MTOR: variants seen among roughly 807,000 people sequenced by gnomAD.
MTOR encodes mechanistic target of rapamycin kinase.
Under a neutral mutation model 319.8 loss-of-function variants are expected in MTOR, and 70 were observed. The observed-to-expected ratio is 0.22, with a 90% confidence interval of 0.18 to 0.27. The LOEUF is 0.27. MTOR is among the 10% of genes least tolerant of loss of function. The probability of loss-of-function intolerance (pLI) is 1.00; values close to 1 mark genes in which losing one functional copy is unlikely to be tolerated. For synonymous variants in MTOR, 1,183 were observed against 1,211.4 expected (o/e 0.98, Z 0.49); for missense variants, 1,890 against 3,274.4 (o/e 0.58, Z 10.32).
intron 6 of MTOR, 137 bp from the exon 7 acceptor site, chr1:11,248,231 A>G: frequency 1.1e-6 from 1 of 912,440 alleles, no homozygotes. Flanking sequence ...GCCACTCTTC[A>G]TGTTTAGGGT....
chr1:11,110,147 A>C (rs1256891396), intron 54 of MTOR, among the ~76,000 whole-genome samples: 2 of 152,242 alleles, frequency 1.3e-5, no homozygotes, highest in African/African-American at 2.4e-5. Flanking sequence ...AACAGGTCAA[A>C]AGCCTCGTGA....
chr1:11,131,361 G>C (rs945782060), intron 38 of MTOR: 3 of 156,778 alleles, frequency 1.9e-5, no homozygotes, highest in African/African-American at 7.2e-5. Flanking sequence ...GCCTGGAGCA[G>C]GCACAGGGCT....
chr1:11,112,079 G>C (rs190552487), intron 54 of MTOR, among the ~76,000 whole-genome samples: 1 of 152,254 alleles, frequency 6.6e-6, no homozygotes, highest in African/African-American at 2.4e-5. Flanking sequence ...ACTCCTGAGA[G>C]GTTTCCACAC....
At chr1:11,171,055 C>T (rs953801485) in intron 28 of MTOR, among the ~76,000 whole-genome samples, 2 of 150,386 alleles carry the variant, frequency 1.3e-5, no homozygotes, top group South Asian at 2.1e-4. Context: ...ATTAGCTGGG[C>T]GTGGTGGCGG....
At chr1:11,224,178 A>T (rs1035971268) in intron 19 of MTOR, among the ~76,000 whole-genome samples, 4 of 152,112 alleles carry the variant, frequency 2.6e-5, no homozygotes, top group African/African-American at 9.7e-5. Context: ...TTAAAAAGAT[A>T]ATCTAGCTAT....
Position 11,232,523 on chromosome 1 carries a change from AC to A in MTOR, c.2426del (p.Ser809MetfsTer5). ...CAACCCATTTCCTCATTTCCAGGCCACTAACCTGCAAAATGAAAAAGAGGGT... is the reference window on the plus strand; with the variant it reads ...CAACCCATTTCCTCATTTCCAGGCCATAACCTGCAAAATGAAAAAGAGGGT... ...LATIGELAQV[S>X]GLEMRKWVDE... is the part of the protein sequence containing the mutation. On this transcript the variant is annotated frameshift_variant, in exon 16 of 58. Transcript: ENST00000361445. LOFTEE classifies it high-confidence loss of function. 1 of 1,612,668 alleles carries A rather than the reference AC, an allele frequency of 6.2e-7. No individual in the cohort carries two copies. Among genetic ancestry groups the A allele is most frequent in the Non-Finnish European group, 8.5e-7 (1 of 1,178,780 alleles).
chr1:11,257,435 C>T (rs1480504307), intron 3 of MTOR, among the ~76,000 whole-genome samples: 3 of 149,118 alleles, frequency 2.0e-5, no homozygotes, highest in African/African-American at 4.9e-5. Context: ...TGGTGGCACA[C>T]GCCTGTAATC....
chr1:11,202,256 C>T (rs1470559163), intron 26 of MTOR, among the ~76,000 whole-genome samples: 1 of 151,722 alleles, frequency 6.6e-6, no homozygotes, highest in African/African-American at 2.4e-5. Context: ...GGTGAAATCC[C>T]ATCTCTACTA....
chr1:11,136,979 G>A (rs367814181), intron 36 of MTOR, among the ~76,000 whole-genome samples: 1 of 151,210 alleles, frequency 6.6e-6, no homozygotes, highest in Non-Finnish European at 1.5e-5. Context: ...GTAGCTGGGA[G>A]TACAGGTATG....
intron 28 of MTOR, among the ~76,000 whole-genome samples, chr1:11,198,192 G>C (rs1191051005): frequency 6.6e-6 from 1 of 152,208 alleles, no homozygotes; most frequent in East Asian, 1.9e-4. Flanking sequence ...ATGGAAGGAA[G>C]AAAGTGGATT....
In MTOR at chr1:11,139,362, G is replaced by C. The variant is rs764574187; in HGVS notation, c.5072C>G (p.Thr1691Arg). 1.9e-6 allele frequency: 3 copies of C among 1,613,702 alleles called. No homozygotes were observed. Among genetic ancestry groups the C allele is most frequent in the Non-Finnish European group, 2.5e-6 (3 of 1,179,910 alleles). Residue 1691 changes from threonine (T) to arginine (R), a missense_variant, in exon 36 of 58, where the codon ACA (threonine) becomes AGA (arginine). Coordinates refer to ENST00000361445, the MANE Select transcript of MTOR (RefSeq NM_004958.4). ...PSRQLDHPLP[T>R]VHPQVTYAYM... ...GGCATAGGTCACCTGAGGGTGAACT[G>C]TTGGCAGAGGATGGTCAAGTTGCCG...
At position 11,220,996 on chromosome 1, in the gene MTOR, T is replaced by A. The variant is rs66488311; in HGVS notation, c.3031-4762A>T. ...TGTCTTATATAACTAAAACAAAAGT[T>A]AATTTTTTTTTTTTTGGAGATGGAG... On this transcript the variant is annotated intron_variant, in intron 19 of 57. Transcript: ENST00000361445. Among the ~76,000 whole-genome samples the A allele has an allele frequency of 4.0e-3, 152 of 38,444 alleles. 1 individual carries two copies. Among genetic ancestry groups the A allele is most frequent in the Admixed American group, 0.037 (74 of 1,980 alleles). The allele number at this position is 38,444 out of a possible 152,430, so 25.2% of individuals were successfully genotyped here. A position where few individuals can be genotyped will look rare whatever the true frequency, so the allele number is the denominator to read the frequency against.
At position 11,167,533 on chromosome 1, in the gene MTOR, G is replaced by A; in HGVS notation, c.4254-16C>T. The A allele has an allele frequency of 6.2e-7, 1 of 1,607,328 alleles. No individual in the cohort carries two copies. The highest frequency in any genetic ancestry group is 8.5e-7 in the Non-Finnish European group (1 of 1,178,316). The stretch of plus-strand genomic sequence containing the variant: ...ATTATTAATGCTGAGAAAACAAAGG[G>A]AAAAGGTAGTTACACTCAACAGGTC... On this transcript the variant is annotated splice_polypyrimidine_tract_variant and intron_variant, in intron 28 of 57. Coordinates refer to ENST00000361445, the MANE Select transcript of MTOR (RefSeq NM_004958.4).
At chr1:11,160,380 G>A (rs1250128280) in intron 29 of MTOR, among the ~76,000 whole-genome samples, 1 of 152,184 alleles carries the variant, frequency 6.6e-6, no homozygotes, top group Non-Finnish European at 1.5e-5. Flanking sequence ...GATTGTAGGC[G>A]TGAGCCACTG....
chr1:11,245,850 C>A (rs1648738551), intron 8 of MTOR, among the ~76,000 whole-genome samples: 1 of 152,106 alleles, frequency 6.6e-6, no homozygotes, highest in Non-Finnish European at 1.5e-5. Flanking sequence ...GTCATGGCTG[C>A]AGCGAGCTGA....
intron 34 of MTOR, 30 bp from the exon 35 acceptor site, chr1:11,139,688 T>C: frequency 6.2e-7 from 1 of 1,613,852 alleles, no homozygotes; most frequent in Non-Finnish European, 8.5e-7. Flanking sequence ...AGATTAGATA[T>C]GTCTTCTGAT....
chr1:11,173,474 A>G (rs1431729791), intron 28 of MTOR, among the ~76,000 whole-genome samples: 1 of 149,678 alleles, frequency 6.7e-6, no homozygotes, highest in African/African-American at 2.5e-5. Context: ...GTAGAAATGA[A>G]GTTTTGCCGT....
chr1:11,200,400 A>G (rs3765903), intron 26 of MTOR, among the ~76,000 whole-genome samples: 13,823 of 152,176 alleles, frequency 0.091, 1,020 homozygotes, highest in South Asian at 0.2. Flanking sequence ...TCACAAAGAC[A>G]TGGAACCAGA....
At chr1:11,254,651 C>A (rs544556747) in intron 5 of MTOR, among the ~76,000 whole-genome samples, 1 of 152,272 alleles carries the variant, frequency 6.6e-6, no homozygotes, top group East Asian at 1.9e-4. Flanking sequence ...GTAATCAGCA[C>A]AGGCCTCATT....
Sources: allele counts gnomAD v4.1 joint callset (sites outside exome capture counted in the v4.1 genomes callset), GRCh38; gene constraint gnomAD v4.1.1; transcripts MANE v1.5; gene names NCBI Gene and HGNC (gene_info 2026-07-23, HGNC 2026-07-21).